Variants in KCNMB2 observed in about 807,000 individuals in gnomAD.
The protein encoded by KCNMB2 is calcium-activated potassium channel subunit beta-2.
A neutral mutation model predicts 24.5 loss-of-function variants in KCNMB2; 9 were observed. The observed-to-expected ratio is 0.37, with a 90% CI of 0.22 to 0.64. KCNMB2 has a LOEUF of 0.64. Among genes scored for constraint, KCNMB2 ranks in the 30% least tolerant of loss-of-function variants. The probability of loss-of-function intolerance (pLI) is 0.63; values close to 1 mark genes in which losing one functional copy is unlikely to be tolerated. For missense variants in KCNMB2, 226 were observed against 284.3 expected, an observed-to-expected ratio of 0.79 and a Z score of 1.47; for synonymous variants, 109 against 104.4, an observed-to-expected ratio of 1.04 and a Z score of -0.27.
intron 1 of KCNMB2, among the ~76,000 whole-genome samples, chr3:178,764,501 C>T (rs891010240): frequency 6.6e-6 from 1 of 152,186 alleles, no homozygotes; most frequent in African/African-American, 2.4e-5. Flanking sequence ...GAGCAATAGG[C>T]TACACTATAT....
intron 1 of KCNMB2, among the ~76,000 whole-genome samples, chr3:178,702,897 C>T (rs751545439): frequency 9.2e-5 from 14 of 152,138 alleles, no homozygotes; most frequent in Non-Finnish European, 1.9e-4. Flanking sequence ...GTAGCTTTAT[C>T]CTACCTGCTT....
chr3:178,725,842 G>C (rs773938806), intron 1 of KCNMB2, among the ~76,000 whole-genome samples: 5 of 151,706 alleles, frequency 3.3e-5, no homozygotes, highest in Admixed American at 6.6e-5. Context: ...CCTTTGAAGT[G>C]AGTTTCTTGT....
intron 1 of KCNMB2, among the ~76,000 whole-genome samples, chr3:178,693,602 C>T (rs2108331744): frequency 6.6e-6 from 1 of 152,290 alleles, no homozygotes; most frequent in Non-Finnish European, 1.5e-5. Context: ...ATAATGCCTA[C>T]TTGATCATGG....
At chr3:178,587,006 G>A (rs921858852) in intron 1 of KCNMB2, among the ~76,000 whole-genome samples, 2 of 152,032 alleles carry the variant, frequency 1.3e-5, no homozygotes, top group Admixed American at 6.6e-5. Context: ...TACCAAAAAG[G>A]AATATACTTT....
intron 1 of KCNMB2, among the ~76,000 whole-genome samples, chr3:178,569,167 C>T (rs968802435): frequency 6.6e-6 from 1 of 152,066 alleles, no homozygotes; most frequent in Non-Finnish European, 1.5e-5. Context: ...GAATAAATAG[C>T]CACCAGAAGC....
chr3:178,607,808 G>A (rs1718333294), intron 1 of KCNMB2, among the ~76,000 whole-genome samples: 1 of 152,040 alleles, frequency 6.6e-6, no homozygotes, highest in Admixed American at 6.6e-5. Flanking sequence ...CTGTTATCTT[G>A]TTAATACAGT....
At chr3:178,840,953 A>T (rs960305073) in intron 4 of KCNMB2, among the ~76,000 whole-genome samples, 1 of 152,212 alleles carries the variant, frequency 6.6e-6, no homozygotes, top group Non-Finnish European at 1.5e-5. Flanking sequence ...TTCTACCAAC[A>T]TGGTCAGGCT....
intron 1 of KCNMB2, among the ~76,000 whole-genome samples, chr3:178,763,948 C>T (rs1712016035): frequency 6.6e-6 from 1 of 152,076 alleles, no homozygotes; most frequent in Admixed American, 6.6e-5. Flanking sequence ...ATATCAAACT[C>T]ATTTTAAAGC....
intron 1 of KCNMB2, among the ~76,000 whole-genome samples, chr3:178,707,950 T>C (rs910971391): frequency 2.0e-5 from 3 of 152,156 alleles, no homozygotes; most frequent in African/African-American, 4.8e-5. Context: ...ATTTATTTGC[T>C]CTACTTCCAC....
chr3:178,761,508 A>G (rs1194374758), intron 1 of KCNMB2, among the ~76,000 whole-genome samples: 4 of 152,204 alleles, frequency 2.6e-5, no homozygotes, highest in African/African-American at 9.6e-5. Context: ...CAAAAGATAG[A>G]TTTTCATGTG....
intron 1 of KCNMB2, chr3:178,537,228 C>G (rs1715439010): frequency 6.6e-6 from 1 of 152,126 alleles, no homozygotes; most frequent in South Asian, 2.1e-4. Context: ...GAACTATTTC[C>G]TATGTAATCC....
intron 1 of KCNMB2, among the ~76,000 whole-genome samples, chr3:178,756,126 AAAAGC>A (rs1284972301): frequency 2.0e-5 from 3 of 152,196 alleles, no homozygotes; most frequent in Non-Finnish European, 4.4e-5. Context: ...AAAATAGAAA[AAAAGC>A]AAATTATAAA....
At chr3:178,795,145 C>G (rs1455991454) in intron 1 of KCNMB2, 1 of 151,422 alleles carries the variant, frequency 6.6e-6, no homozygotes, top group Non-Finnish European at 1.5e-5. Context: ...TTTTAAGGGC[C>G]CTTCCAGAGA....
At chr3:178,585,897 T>A (rs572741390) in intron 1 of KCNMB2, among the ~76,000 whole-genome samples, 38 of 152,336 alleles carry the variant, frequency 2.5e-4, no homozygotes, top group African/African-American at 8.7e-4. Flanking sequence ...AGTGATTCAT[T>A]CTCATTAATG....
In KCNMB2 at chr3:178,693,432, G is replaced by A. The variant is rs143269786; in HGVS notation, c.-67-113911G>A. ...TTTTGAGGTATGTTCCTTCAATAAC[G>A]AGTTTATTGGGACTTTTTAACATGA... On this transcript the variant is annotated intron_variant, in intron 1 of 4. Coordinates refer to ENST00000452583, the MANE Select transcript of KCNMB2 (RefSeq NM_181361.3). Among the ~76,000 whole-genome samples, 29 of 152,202 alleles carry A rather than the reference G, an allele frequency of 1.9e-4. No homozygotes were observed. The East Asian group carries it at 5.4e-3, about 28-fold the overall frequency.
chr3:178,610,091 T>C (rs1394163861), intron 1 of KCNMB2, among the ~76,000 whole-genome samples: 1 of 152,194 alleles, frequency 6.6e-6, no homozygotes, highest in African/African-American at 2.4e-5. Context: ...ACTGTAGGTG[T>C]GTGGATTTGT....
intron 1 of KCNMB2, among the ~76,000 whole-genome samples, chr3:178,661,707 G>C (rs1720535675): frequency 6.6e-6 from 1 of 152,136 alleles, no homozygotes; most frequent in African/African-American, 2.4e-5. Flanking sequence ...TTACTTGGAA[G>C]CTTGCCGGAA....
chr3:178,797,750 G>T (rs1713608614), intron 1 of KCNMB2, among the ~76,000 whole-genome samples: 1 of 152,184 alleles, frequency 6.6e-6, no homozygotes, highest in Non-Finnish European at 1.5e-5. Flanking sequence ...TCATGATATT[G>T]ATTCTTCCTA....
chr3:178,599,177 T>C (rs1717989889), intron 1 of KCNMB2, among the ~76,000 whole-genome samples: 1 of 152,188 alleles, frequency 6.6e-6, no homozygotes, highest in Non-Finnish European at 1.5e-5. Flanking sequence ...TCACCAAAGC[T>C]CTAAGGTTTT....
Sources: gnomAD v4.1 joint callset for allele counts (sites outside exome capture counted in the v4.1 genomes callset) on GRCh38, gnomAD v4.1.1 for gene constraint, MANE v1.5 for transcripts, NCBI Gene and HGNC (gene_info 2026-07-23, HGNC 2026-07-21) for gene names.